Variants in SEPTIN9 observed in about 807,000 individuals in gnomAD.
SEPTIN9 encodes the protein septin-9.
SEPTIN9 carries 13 observed loss-of-function variants against 56.6 expected under a neutral mutation model. That is an observed-to-expected ratio of 0.23 (90% CI 0.15 to 0.37). The LOEUF is 0.37. SEPTIN9 is among the 10% of genes least tolerant of loss of function. SEPTIN9 has a pLI of 1.00. For missense variants in SEPTIN9, 650 were observed against 823.1 expected, an observed-to-expected ratio of 0.79 and a Z score of 2.57; for synonymous variants, 332 against 334.1, an observed-to-expected ratio of 0.99 and a Z score of 0.07.
intron 3 of SEPTIN9, among the ~76,000 whole-genome samples, chr17:77,440,300 G>A (rs896466177): frequency 5.3e-5 from 8 of 152,138 alleles, no homozygotes; most frequent in East Asian, 1.9e-4. Flanking sequence ...GATTATAGGC[G>A]CCCACCACCA....
At chr17:77,351,159 G>A (rs911496956) in intron 2 of SEPTIN9, among the ~76,000 whole-genome samples, 7 of 151,806 alleles carry the variant, frequency 4.6e-5, no homozygotes, top group South Asian at 4.2e-4. Context: ...AAGAATTTCC[G>A]TGAGCCTCTC....
intron 2 of SEPTIN9, among the ~76,000 whole-genome samples, chr17:77,387,097 T>C (rs1373865192): frequency 6.6e-6 from 1 of 152,184 alleles, no homozygotes; most frequent in African/African-American, 2.4e-5. Context: ...CGTGACAGTT[T>C]GCTGGGGCTG....
intron 3 of SEPTIN9, among the ~76,000 whole-genome samples, chr17:77,430,181 C>T (rs551589758): frequency 4.6e-5 from 7 of 152,128 alleles, no homozygotes; most frequent in Non-Finnish European, 7.4e-5. Context: ...CCTTGCCTTG[C>T]GGGTGCTGGC....
intron 4 of SEPTIN9, among the ~76,000 whole-genome samples, chr17:77,484,399 C>A (rs1425443801): frequency 1.0e-5 from 1 of 99,102 alleles, no homozygotes; most frequent in Non-Finnish European, 2.1e-5. Flanking sequence ...GTGATGGTGA[C>A]AGTGGTGGGA....
At chr17:77,399,079 C>T (rs2035819419) in intron 2 of SEPTIN9, among the ~76,000 whole-genome samples, 1 of 152,178 alleles carries the variant, frequency 6.6e-6, no homozygotes, top group African/African-American at 2.4e-5. Context: ...GAGGAGTGCC[C>T]TAGGGGAGGG....
At chr17:77,322,429 A>C (rs900233216) in intron 2 of SEPTIN9, among the ~76,000 whole-genome samples, 1 of 152,216 alleles carries the variant, frequency 6.6e-6, no homozygotes, top group East Asian at 1.9e-4. Flanking sequence ...ATGTGTTTTC[A>C]TGTAAGAAAA....
chr17:77,316,014 C>A (rs2032690154), intron 2 of SEPTIN9, among the ~76,000 whole-genome samples: 1 of 152,218 alleles, frequency 6.6e-6, no homozygotes, highest in Admixed American at 6.5e-5. Context: ...GGGACAGCAA[C>A]CTTTGGTCCA....
At position 77,433,081 on chromosome 17, in the gene SEPTIN9, A is replaced by T. The variant is rs1334080477; in HGVS notation, c.721+30378A>T. Among the ~76,000 whole-genome samples, 1 of 152,180 alleles carries T rather than the reference A, an allele frequency of 6.6e-6. No individual in the cohort carries two copies. The highest frequency in any genetic ancestry group is 1.5e-5 in the Non-Finnish European group (1 of 68,016). ...GCTCCGACAGGATGCTTTTGGCCTG[A>T]GAGACAGAAACCCCAACTCTGAATG... On this transcript the variant is annotated intron_variant, in intron 3 of 11. Transcript: ENST00000427177. The surrounding 1 kb of genome is among the most constrained non-coding windows in gnomAD (Gnocchi z 6.4).
In SEPTIN9 at chr17:77,405,386, G is replaced by A. The variant is rs1212366746; in HGVS notation, c.721+2683G>A. On this transcript the variant is annotated intron_variant, in intron 3 of 11. Coordinates refer to ENST00000427177, the MANE Select transcript of SEPTIN9 (RefSeq NM_001113491.2). The surrounding 1 kb of genome is among the most constrained non-coding windows in gnomAD (Gnocchi z 5.8). Reference sequence around the variant, plus strand: ...GGAAGGGGAGAGAAAGGCAGGCCACGTGGAGGCAGCAGCGTTCAGAGCTGC... The same window carrying A: ...GGAAGGGGAGAGAAAGGCAGGCCACATGGAGGCAGCAGCGTTCAGAGCTGC... Among the ~76,000 whole-genome samples, 2 of 152,214 alleles carry A rather than the reference G, an allele frequency of 1.3e-5. No individual in the cohort carries two copies. The highest frequency in any genetic ancestry group is 6.5e-5 in the Admixed American group (1 of 15,290).
intron 2 of SEPTIN9, among the ~76,000 whole-genome samples, chr17:77,381,647 C>A (rs1024496068): frequency 6.6e-6 from 1 of 152,226 alleles, no homozygotes; most frequent in African/African-American, 2.4e-5. Flanking sequence ...GAATGGAGTG[C>A]TCTGTATGTT....
At chr17:77,341,172 C>G (rs2033712838) in intron 2 of SEPTIN9, among the ~76,000 whole-genome samples, 1 of 152,304 alleles carries the variant, frequency 6.6e-6, no homozygotes, top group South Asian at 2.1e-4. Context: ...AGAGATCTCA[C>G]TTTTGCCTGT....
chr17:77,485,291 TGGG>T (rs1394741315), intron 4 of SEPTIN9, among the ~76,000 whole-genome samples: 2 of 117,502 alleles, frequency 1.7e-5, no homozygotes, highest in African/African-American at 7.4e-5. Flanking sequence ...GTGGTGTTGA[TGGG>T]GGTGATGATG....
intron 2 of SEPTIN9, among the ~76,000 whole-genome samples, chr17:77,361,865 C>G (rs1207240062): frequency 6.6e-6 from 1 of 152,032 alleles, no homozygotes; most frequent in Admixed American, 6.6e-5. Context: ...ATCTCTTGAC[C>G]TCGTGATCCG....
At chr17:77,419,808 C>T (rs985487674) in intron 3 of SEPTIN9, 3 of 152,338 alleles carry the variant, frequency 2.0e-5, no homozygotes, top group African/African-American at 7.2e-5. Context: ...GGAAGCAAGG[C>T]CCCACGCAGC....
At position 77,482,111 on chromosome 17, in the gene SEPTIN9, TC is replaced by T. The variant is rs768758882; in HGVS notation, c.722-31del. 2.3e-5 allele frequency: 36 copies of T among 1,534,470 alleles called. No homozygotes were observed. The South Asian group carries it at 3.4e-4, about 14-fold the overall frequency. ...CAGGCGCCTGTGTGTGAGCCCCTGT[TC>T]CGCTCTAACTCCTCTGCTGTTCCTT... On this transcript the variant is annotated intron_variant, in intron 3 of 11. Coordinates refer to ENST00000427177, the MANE Select transcript of SEPTIN9 (RefSeq NM_001113491.2).
intron 4 of SEPTIN9, among the ~76,000 whole-genome samples, chr17:77,486,875 C>T (rs2039815718): frequency 6.6e-6 from 1 of 152,208 alleles, no homozygotes; most frequent in African/African-American, 2.4e-5. Flanking sequence ...CACACCAGCT[C>T]CACGGGGGAA....
At chr17:77,485,346 G>C (rs367952813) in intron 4 of SEPTIN9, among the ~76,000 whole-genome samples, 2 of 151,728 alleles carry the variant, frequency 1.3e-5, no homozygotes, top group Non-Finnish European at 2.9e-5. Flanking sequence ...TGGTGGTGTT[G>C]ATGGTGATAG....
intron 3 of SEPTIN9, among the ~76,000 whole-genome samples, chr17:77,427,671 A>G (rs996198081): frequency 5.3e-5 from 8 of 152,070 alleles, no homozygotes; most frequent in African/African-American, 1.4e-4. Context: ...GGGGGCCTGG[A>G]GCATCTCCTT....
chr17:77,336,257 G>C (rs1195243072), intron 2 of SEPTIN9, among the ~76,000 whole-genome samples: 1 of 152,108 alleles, frequency 6.6e-6, no homozygotes, highest in Non-Finnish European at 1.5e-5. Flanking sequence ...GTAGCTTGTT[G>C]ATGTCTACAA....
Sources: allele counts gnomAD v4.1 joint callset (sites outside exome capture counted in the v4.1 genomes callset), GRCh38; gene constraint gnomAD v4.1.1; non-coding constraint Gnocchi (gnomAD v3.1); transcripts MANE v1.5; gene names NCBI Gene and HGNC (gene_info 2026-07-23, HGNC 2026-07-21).